GCNT1: variants seen among roughly 807,000 people sequenced by gnomAD.
GCNT1 encodes the protein beta-1,3-galactosyl-O-glycosyl-glycoprotein beta-1,6-N-acetylglucosaminyltransferase.
In GCNT1, 16 loss-of-function variants were observed where a neutral mutation model predicts 26.2. That is an observed-to-expected ratio of 0.61 (90% CI 0.41 to 0.93). GCNT1 has a LOEUF of 0.93. GCNT1 is among the 40% of genes least tolerant of loss of function. The probability of loss-of-function intolerance (pLI) is 0.00; values close to 1 mark genes in which losing one functional copy is unlikely to be tolerated. For missense variants in GCNT1, 477 were observed against 526.7 expected, an observed-to-expected ratio of 0.91 and a Z score of 0.92; for synonymous variants, 183 against 190.8, an observed-to-expected ratio of 0.96 and a Z score of 0.34.
chr9:76,459,568 T>C (rs1373516629), intron 1 of GCNT1, among the ~76,000 whole-genome samples: 1 of 152,214 alleles, frequency 6.6e-6, no homozygotes, highest in Non-Finnish European at 1.5e-5. Flanking sequence ...CTTTCTGGCC[T>C]CTTGCCCCTG....
chr9:76,484,993 T>G (rs1824533235), intron 2 of GCNT1, among the ~76,000 whole-genome samples: 1 of 152,062 alleles, frequency 6.6e-6, no homozygotes, highest in Admixed American at 6.5e-5. Flanking sequence ...TTCACCATGT[T>G]GGCCAGGCTT....
intron 2 of GCNT1, among the ~76,000 whole-genome samples, chr9:76,483,647 T>C (rs1824484300): frequency 6.6e-6 from 1 of 152,156 alleles, no homozygotes; most frequent in South Asian, 2.1e-4. Context: ...AGTCTCAAAC[T>C]CTTGGGCTCA....
At chr9:76,490,907 G>T (rs1824716128) in intron 2 of GCNT1, among the ~76,000 whole-genome samples, 1 of 152,254 alleles carries the variant, frequency 6.6e-6, no homozygotes, top group African/African-American at 2.4e-5. Flanking sequence ...AAGGATTTTT[G>T]ATCAGAAGGC....
chr9:76,421,689 G>GTTT (rs1182829928), intron 1 of GCNT1, among the ~76,000 whole-genome samples: 67 of 74,730 alleles, frequency 9.0e-4, no homozygotes, highest in East Asian at 8.5e-3. Flanking sequence ...TTTGTAGGTT[G>GTTT]TTTTTTTTTT....
At chr9:76,496,078 A>G (rs574816880) in intron 2 of GCNT1, among the ~76,000 whole-genome samples, 2 of 152,350 alleles carry the variant, frequency 1.3e-5, no homozygotes, top group African/African-American at 4.8e-5. Context: ...CTGGGAACTA[A>G]TATGGATAAG....
chr9:76,394,188 G>A, the GCNT1 span: 1 of 1,582,034 alleles, frequency 6.3e-7, no homozygotes, highest in Middle Eastern at 1.7e-4. Context: ...GTCCGCTCGG[G>A]GAATGGGCTG....
At chr9:76,456,854 G>A (rs370437129), upstream of GCNT1, among the ~76,000 whole-genome samples, 159 of 152,248 alleles carry the variant, frequency 1.0e-3, no homozygotes, top group African/African-American at 3.7e-3. Flanking sequence ...CACACCTGTA[G>A]TCCCAGCTAC....
intron 2 of GCNT1, among the ~76,000 whole-genome samples, chr9:76,484,995 G>T (rs928514222): frequency 6.6e-6 from 1 of 151,926 alleles, no homozygotes; most frequent in African/African-American, 2.4e-5. Context: ...CACCATGTTG[G>T]CCAGGCTTGT....
upstream of GCNT1, among the ~76,000 whole-genome samples, chr9:76,437,048 G>A (rs577552264): frequency 6.6e-6 from 1 of 151,854 alleles, no homozygotes; most frequent in Non-Finnish European, 1.5e-5. Flanking sequence ...CATGGCACAT[G>A]TATACATATG....
At chr9:76,444,466 G>A (rs1322912845) in intron 1 of GCNT1, among the ~76,000 whole-genome samples, 2 of 152,164 alleles carry the variant, frequency 1.3e-5, no homozygotes, top group African/African-American at 2.4e-5. Flanking sequence ...ACAAAACCAT[G>A]AGGATTAAGA....
chr9:76,482,133 AAG>A (rs1564239988), intron 2 of GCNT1, among the ~76,000 whole-genome samples: 1 of 152,140 alleles, frequency 6.6e-6, no homozygotes, highest in Admixed American at 6.5e-5. Flanking sequence ...CTGGAACAAA[AAG>A]ACAGTGCCTC....
chr9:76,487,320 G>A (rs1036975081), intron 2 of GCNT1, among the ~76,000 whole-genome samples: 1 of 152,034 alleles, frequency 6.6e-6, no homozygotes, highest in Non-Finnish European at 1.5e-5. Context: ...ATCAAACACA[G>A]TAGTTGGTAT....
chr9:76,398,864 G>A, the GCNT1 span: 2 of 1,499,532 alleles, frequency 1.3e-6, no homozygotes, highest in Admixed American at 1.7e-5. Context: ...GAGGACCTGG[G>A]AGAAGCTTCT....
chr9:76,442,868 T>TTTTTTTTTTTTTTTTTTTTTGAGACGG (rs1341018800), intron 1 of GCNT1, among the ~76,000 whole-genome samples: 1 of 151,866 alleles, frequency 6.6e-6, no homozygotes, highest in East Asian at 1.9e-4. Context: ...CAAGCACTTT[T>TTTTTTTTTTTTTTTTTTTTTGAGACGG]ATAGATGTTG....
At chr9:76,460,247 T>TA (rs1363525907) in intron 2 of GCNT1, 70 bp downstream of exon 2, 1 of 152,284 alleles carries the variant, frequency 6.6e-6, no homozygotes, top group Non-Finnish European at 1.5e-5. Flanking sequence ...TTTGCCTTGT[T>TA]ATTTCTTTCT....
chr9:76,431,527 T>A (rs1245017672), intron 1 of GCNT1, among the ~76,000 whole-genome samples: 3 of 152,154 alleles, frequency 2.0e-5, no homozygotes, highest in Non-Finnish European at 2.9e-5. Flanking sequence ...AACATCACCC[T>A]CCTAGCACAT....
chr9:76,431,183 G>A (rs1236600234), intron 1 of GCNT1, among the ~76,000 whole-genome samples: 1 of 152,106 alleles, frequency 6.6e-6, no homozygotes, highest in Admixed American at 6.5e-5. Context: ...CCCCAACTGG[G>A]CTAACAATAA....
chr9:76,410,541 C>T, the GCNT1 span, among the ~76,000 whole-genome samples: 3 of 152,196 alleles, frequency 2.0e-5, no homozygotes, highest in South Asian at 6.2e-4. Flanking sequence ...TATTTCAGCC[C>T]AGGAGTTCAA....
intron 2 of GCNT1, among the ~76,000 whole-genome samples, chr9:76,492,335 A>G (rs1824765607): frequency 6.6e-6 from 1 of 152,146 alleles, no homozygotes; most frequent in African/African-American, 2.4e-5. Context: ...TTCAGGCATA[A>G]CAAGAAAGGC....
Sources: gnomAD v4.1 joint callset for allele counts (sites outside exome capture counted in the v4.1 genomes callset) on GRCh38, gnomAD v4.1.1 for gene constraint, MANE v1.5 for transcripts, NCBI Gene and HGNC (gene_info 2026-07-23, HGNC 2026-07-21) for gene names.